SPTBN1: variants seen among roughly 807,000 people sequenced by gnomAD.
SPTBN1 encodes spectrin beta, non-erythrocytic 1.
In SPTBN1, 32 loss-of-function variants were observed where a neutral mutation model predicts 266.4. That is an observed-to-expected ratio of 0.12 (90% confidence interval 0.09 to 0.16). SPTBN1 has a LOEUF of 0.16. SPTBN1 is among the 10% of genes least tolerant of loss of function. The pLI, the probability that SPTBN1 is intolerant of heterozygous loss-of-function variation, is 1.00. For missense variants in SPTBN1, 2,296 were observed against 3,067.1 expected (o/e 0.75, Z 5.94); for synonymous variants, 1,336 against 1,162.2 (o/e 1.15, Z -3.04).
At position 54,671,006 on chromosome 2, in the gene SPTBN1, T is replaced by C; in HGVS notation, c.*2437T>C. The C allele has an allele frequency of 2.5e-6, 1 of 393,732 alleles. No homozygotes were observed. Among genetic ancestry groups the C allele is most frequent in the East Asian group, 3.6e-5 (1 of 27,856 alleles). 24.4% of individuals were successfully genotyped at this position (393,732 alleles called of 1,614,324 possible). On this transcript the variant is annotated 3_prime_UTR_variant, in exon 36 of 36. Transcript: ENST00000356805. ...TCATGTTTTTTGAGGATTTTGCATA[T>C]TTCTTGTTGCCATAATGCTGTGCTA... is the stretch of plus-strand genomic sequence containing the variant.
At chr2:54,555,770 G>T (rs1049770046) in intron 2 of SPTBN1, among the ~76,000 whole-genome samples, 1 of 152,188 alleles carries the variant, frequency 6.6e-6, no homozygotes, top group Non-Finnish European at 1.5e-5. Flanking sequence ...GCTGTTTCCT[G>T]GGCATCCATG....
intron 34 of SPTBN1, 30 bp downstream of exon 34, chr2:54,666,118 G>T (rs755780058): frequency 1.9e-6 from 3 of 1,588,874 alleles, no homozygotes; most frequent in Admixed American, 3.6e-5. Context: ...ATGGCTGCCA[G>T]AGTGGGTTTG....
At chr2:54,594,119 G>A (rs1234252156) in intron 2 of SPTBN1, among the ~76,000 whole-genome samples, 1 of 152,132 alleles carries the variant, frequency 6.6e-6, no homozygotes, top group Non-Finnish European at 1.5e-5. Flanking sequence ...GTGAGCCACT[G>A]TGTCTGGCAG....
intron 2 of SPTBN1, among the ~76,000 whole-genome samples, chr2:54,552,081 A>T (rs983062999): frequency 3.9e-5 from 6 of 152,162 alleles, no homozygotes; most frequent in Non-Finnish European, 5.9e-5. Context: ...TGGTCCTGCC[A>T]CTGAGAAATG....
rs1292787651 is a variant in SPTBN1 at position 54,625,957 on chromosome 2, C to G, written c.1367C>G (p.Ala456Gly). ...GACAACTTTGGGTTTGACCTTCCTG[C>G]AGTTGAGGCCGCCACAAAAAAGCAC... ...SQDNFGFDLP[A>G]VEAATKKHEA... Residue 456 changes from alanine to glycine, a missense_variant, in exon 12 of 36, where the codon GCA becomes GGA. Physicochemically the swap from Ala to Gly is moderately conservative, Grantham distance 60 (BLOSUM62 0). Transcript: ENST00000356805. 6.2e-7 allele frequency: 1 copy of G among 1,613,876 alleles called. No homozygotes were observed. Among genetic ancestry groups the G allele is most frequent in the Non-Finnish European group, 8.5e-7 (1 of 1,179,770 alleles).
chr2:54,664,800 C>T lies in SPTBN1; in HGVS notation c.6659+109C>T. 5 of 1,116,880 alleles carry T rather than the reference C, an allele frequency of 4.5e-6. No homozygotes were observed. The highest frequency in any genetic ancestry group is 2.4e-5 in the Admixed American group (1 of 41,708). The allele number at this position is 1,116,880 out of a possible 1,614,324, so 69.2% of individuals were successfully genotyped here. A position where few individuals can be genotyped will look rare whatever the true frequency, so the allele number is the denominator to read the frequency against. On this transcript the variant is annotated intron_variant, in intron 33 of 35. Transcript: ENST00000356805. The surrounding 1 kb of genome is among the most constrained non-coding windows in gnomAD (Gnocchi z 5.6). ...AGTATGTGCTCATGTAGTTTTATTCCTTTGGTAGCTTCCTGGACATTGCAT... is the reference window on the plus strand; with the variant it reads ...AGTATGTGCTCATGTAGTTTTATTCTTTTGGTAGCTTCCTGGACATTGCAT...
intron 1 of SPTBN1, among the ~76,000 whole-genome samples, chr2:54,522,267 G>GA (rs1189803955): frequency 1.3e-5 from 2 of 151,846 alleles, no homozygotes; most frequent in Non-Finnish European, 2.9e-5. Flanking sequence ...AGAACATTAG[G>GA]AAAAAAGGTG....
chr2:54,584,493 G>A (rs892142899), intron 2 of SPTBN1, among the ~76,000 whole-genome samples: 2 of 152,118 alleles, frequency 1.3e-5, no homozygotes, highest in Non-Finnish European at 2.9e-5. Flanking sequence ...ACATGTGAGT[G>A]TCCTAGTTTC....
chr2:54,629,832 C>T, intron 14 of SPTBN1, 29 bp downstream of exon 14: 2 of 1,612,140 alleles, frequency 1.2e-6, no homozygotes, highest in East Asian at 2.2e-5. Context: ...AGCCACTGGC[C>T]TGTTCCTTGT....
chr2:54,581,406 C>G (rs1396488151), intron 2 of SPTBN1, among the ~76,000 whole-genome samples: 1 of 152,090 alleles, frequency 6.6e-6, no homozygotes, highest in Non-Finnish European at 1.5e-5. Context: ...CCCACTTACC[C>G]AGGACATGGG....
At chr2:54,617,186 G>A (rs955946052) in intron 5 of SPTBN1, among the ~76,000 whole-genome samples, 4 of 152,230 alleles carry the variant, frequency 2.6e-5, no homozygotes, top group Non-Finnish European at 4.4e-5. Context: ...AGAAAGCTGA[G>A]TGTCACTTGA....
Position 54,650,006 on chromosome 2 carries a change from C to T in SPTBN1, c.5577+17C>T. ...GGCACACAGGTGGGTATGGCAGCCA[C>T]CCAGGGGTGCTGGGGAGGCTTTTTC... On this transcript the variant is annotated intron_variant, in intron 26 of 35. Transcript: ENST00000356805. The T allele has an allele frequency of 6.3e-7, 1 of 1,593,664 alleles. No individual in the cohort carries two copies.
In SPTBN1 at chr2:54,645,122, G is replaced by C. The variant is rs867275393; in HGVS notation, c.4270-107G>C. On this transcript the variant is annotated intron_variant, in intron 20 of 35. Coordinates refer to ENST00000356805, the MANE Select transcript of SPTBN1 (RefSeq NM_003128.3). This position sits in a 1 kb window ranked among gnomAD's most constrained non-coding sequence, Gnocchi z 4.3. ...GCAAAATGTTTGAGTGGCTCCCATG[G>C]CTGGCTTTGCGGTGTGGCCAAGTCC... 9.6e-6 allele frequency: 11 copies of C among 1,140,544 alleles called. No individual in the cohort carries two copies. In the Middle Eastern group the frequency reaches 7.8e-4, roughly 81 times the overall value. 70.7% of individuals were successfully genotyped at this position (1,140,544 alleles called of 1,614,324 possible). A position where few individuals can be genotyped will look rare whatever the true frequency, so the allele number is the denominator to read the frequency against.
At position 54,630,064 on chromosome 2, in the gene SPTBN1, C is replaced by T. The variant is rs374492167; in HGVS notation, c.2807+35C>T. 21 of 1,603,408 alleles carry T rather than the reference C, an allele frequency of 1.3e-5. No homozygotes were observed. In the East Asian group the frequency reaches 2.0e-4, roughly 16 times the overall value. On this transcript the variant is annotated intron_variant, in intron 15 of 35. Coordinates refer to ENST00000356805, the MANE Select transcript of SPTBN1 (RefSeq NM_003128.3). ...TGGCCAGCAGTGTGCCAGCCTCCCA[C>T]GTGTGGGACTGGGGAGGGTGAGGTC...
At chr2:54,468,113 C>T (rs888690325) in intron 1 of SPTBN1, among the ~76,000 whole-genome samples, 1 of 151,962 alleles carries the variant, frequency 6.6e-6, no homozygotes, top group Non-Finnish European at 1.5e-5. Context: ...TTGAGACGAG[C>T]CTGGCCAACA....
At chr2:54,602,391 G>C (rs1395032924) in intron 3 of SPTBN1, among the ~76,000 whole-genome samples, 1 of 152,110 alleles carries the variant, frequency 6.6e-6, no homozygotes, top group African/African-American at 2.4e-5. Context: ...AGGAGCCCCT[G>C]GCATACGATA....
intron 2 of SPTBN1, among the ~76,000 whole-genome samples, chr2:54,596,006 CCTTTTTG>C: frequency 6.6e-6 from 1 of 151,994 alleles, no homozygotes; most frequent in Non-Finnish European, 1.5e-5. Context: ...CCTTTTTGTA[CCTTTTTG>C]TACCTTTTGT....
intron 1 of SPTBN1, among the ~76,000 whole-genome samples, chr2:54,474,349 C>T (rs1667693988): frequency 6.6e-6 from 1 of 150,898 alleles, no homozygotes; most frequent in Non-Finnish European, 1.5e-5. Flanking sequence ...GGAGGCAATA[C>T]AGTGTGTAGT....
intron 2 of SPTBN1, chr2:54,529,640 A>C (rs570832233): frequency 1.4e-6 from 1 of 721,562 alleles, no homozygotes; most frequent in East Asian, 2.6e-5. Context: ...CCTTGTGTTC[A>C]CTGTGGATGT....
Sources: gnomAD v4.1 joint callset for allele counts (sites outside exome capture counted in the v4.1 genomes callset) on GRCh38, gnomAD v4.1.1 for gene constraint, Gnocchi (gnomAD v3.1) non-coding constraint, MANE v1.5 for transcripts, NCBI Gene and HGNC (gene_info 2026-07-23, HGNC 2026-07-21) for gene names.